The following DPP4 variants were observed in gnomAD, a reference collection of about 807,000 sequenced individuals.
DPP4 encodes ADCP-2.
In DPP4, 93 loss-of-function variants were observed where a neutral mutation model predicts 122.4. That is an observed-to-expected ratio of 0.76 (90% CI 0.64 to 0.90). The LOEUF is 0.90. Among genes scored for constraint, DPP4 ranks in the 40% least tolerant of loss-of-function variants. DPP4 has a pLI of 0.00. For synonymous variants in DPP4, 321 were observed against 302.9 expected (o/e 1.06, Z -0.62); for missense variants, 914 against 907.3 (o/e 1.01, Z -0.09).
At chr2:162,005,621 A>T (rs1187508263) in intron 23 of DPP4, 124 bp downstream of exon 23, 3 of 835,136 alleles carry the variant, frequency 3.6e-6, no homozygotes, top group Admixed American at 2.7e-5. Context: ...CACCTGTGTT[A>T]TTTCTTTTAA....
In DPP4 at chr2:162,020,303, G is replaced by GTTTT. The variant is rs34282135; in HGVS notation, c.1177-11_1177-8dup. The GTTTT allele has an allele frequency of 2.7e-3, 3,173 of 1,188,084 alleles. 7 individuals are homozygous for GTTTT. Among genetic ancestry groups the GTTTT allele is most frequent in the East Asian group, 6.5e-3 (228 of 35,290 alleles). 73.6% of individuals were successfully genotyped at this position (1,188,084 alleles called of 1,614,324 possible). On this transcript the variant is annotated splice_polypyrimidine_tract_variant and splice_region_variant and intron_variant, in intron 13 of 25. Transcript: ENST00000360534. ...TTGTAATAAATGTGCAGTCCTGATG[G>GTTTT]TTTTTTTTTTTTTTCAAAAAAAAAA... is the stretch of plus-strand genomic sequence containing the variant.
At chr2:162,052,200 C>T (rs772204478) in intron 2 of DPP4, among the ~76,000 whole-genome samples, 36 of 151,824 alleles carry the variant, frequency 2.4e-4, no homozygotes, top group Non-Finnish European at 4.6e-4. Flanking sequence ...TGTCTGCAAT[C>T]CCAGCTACTC....
chr2:162,022,846 T>C, intron 11 of DPP4, 47 bp from the exon 12 acceptor site: 1 of 1,593,334 alleles, frequency 6.3e-7, no homozygotes, highest in Non-Finnish European at 8.6e-7. Context: ...AGAAGTCAGA[T>C]GAAATCTATA....
At chr2:161,998,607 T>A (rs1325748407) in intron 23 of DPP4, among the ~76,000 whole-genome samples, 2 of 152,126 alleles carry the variant, frequency 1.3e-5, no homozygotes, top group African/African-American at 4.8e-5. Flanking sequence ...GAGTAATAGT[T>A]AGGAGACATA....
chr2:162,016,927 T>C, intron 17 of DPP4, 61 bp from the exon 18 acceptor site: 1 of 1,513,698 alleles, frequency 6.6e-7, no homozygotes, highest in East Asian at 2.3e-5. Flanking sequence ...GATTATGTAG[T>C]GCAATAATGA....
chr2:161,995,212 C>T, intron 24 of DPP4, 88 bp downstream of exon 24: 1 of 1,364,906 alleles, frequency 7.3e-7, no homozygotes, highest in African/African-American at 1.4e-5. Context: ...GTAAATGTAA[C>T]AGTCTTGCCC....
intron 5 of DPP4, among the ~76,000 whole-genome samples, chr2:162,040,324 G>A (rs999804628): frequency 6.6e-6 from 1 of 152,094 alleles, no homozygotes; most frequent in African/African-American, 2.4e-5. Flanking sequence ...TTCAACAGGT[G>A]AGTGGATAAA....
intron 23 of DPP4, among the ~76,000 whole-genome samples, chr2:162,001,655 T>A (rs560809264): frequency 2.0e-5 from 3 of 152,214 alleles, no homozygotes; most frequent in Admixed American, 2.0e-4. Context: ...ACTGACCACA[T>A]GAGAGACCAT....
intron 2 of DPP4, among the ~76,000 whole-genome samples, chr2:162,059,375 C>T (rs1439374853): frequency 6.6e-6 from 1 of 152,172 alleles, no homozygotes; most frequent in Non-Finnish European, 1.5e-5. Flanking sequence ...AATTGACTGG[C>T]ATTAGGCCGT....
At chr2:162,054,988 T>G (rs539782097) in intron 2 of DPP4, among the ~76,000 whole-genome samples, 76 of 152,310 alleles carry the variant, frequency 5.0e-4, no homozygotes, top group African/African-American at 1.8e-3. Flanking sequence ...CAAGCATATG[T>G]TAGGCAACCA....
chr2:162,068,029 T>C (rs1685006090), intron 2 of DPP4, among the ~76,000 whole-genome samples: 1 of 152,142 alleles, frequency 6.6e-6, no homozygotes, highest in Admixed American at 6.5e-5. Context: ...AACTTCTCTG[T>C]GAAGATCAAA....
Position 162,005,882 on chromosome 2 carries a change from T to G in DPP4, c.1988-73A>C, listed in dbSNP as rs17848912. On this transcript the variant is annotated intron_variant, in intron 22 of 25. Transcript: ENST00000360534. ...ACTTTTCTTGCTTTTAATGGGCCAC[T>G]TCAGTGTTTCCATATGTATTCACTC... is the stretch of plus-strand genomic sequence containing the variant. 1,338 of 1,149,556 alleles carry G rather than the reference T, an allele frequency of 1.2e-3. 14 individuals are homozygous for G. In the East Asian group the frequency reaches 0.025, roughly 22 times the overall value. The allele number at this position is 1,149,556 out of a possible 1,614,324, so 71.2% of individuals were successfully genotyped here.
At chr2:162,027,007 T>C (rs1325468255) in intron 10 of DPP4, among the ~76,000 whole-genome samples, 1 of 152,126 alleles carries the variant, frequency 6.6e-6, no homozygotes, top group Non-Finnish European at 1.5e-5. Context: ...AATGAATGAG[T>C]TCATTTAATA....
chr2:162,028,208 A>G (rs1683410272), intron 10 of DPP4, among the ~76,000 whole-genome samples: 1 of 152,122 alleles, frequency 6.6e-6, no homozygotes, highest in Non-Finnish European at 1.5e-5. Flanking sequence ...CTAAAAATAC[A>G]AAAATTAGTC....
At chr2:162,069,305 T>A (rs574258549) in intron 2 of DPP4, among the ~76,000 whole-genome samples, 7 of 152,332 alleles carry the variant, frequency 4.6e-5, no homozygotes, top group African/African-American at 1.7e-4. Context: ...GTAGCTTGCA[T>A]GCCTTCTCTT....
intron 11 of DPP4, among the ~76,000 whole-genome samples, chr2:162,023,485 A>C (rs545009708): frequency 2.0e-5 from 3 of 152,006 alleles, no homozygotes. Flanking sequence ...CCTCTCCCCC[A>C]GTCCCTAGTT....
At chr2:162,036,081 A>G (rs1683759899) in intron 8 of DPP4, among the ~76,000 whole-genome samples, 1 of 152,172 alleles carries the variant, frequency 6.6e-6, no homozygotes, top group South Asian at 2.1e-4. Flanking sequence ...TATACATGAG[A>G]TATTCAATCA....
chr2:162,004,121 G>A (rs1701221363), intron 23 of DPP4, among the ~76,000 whole-genome samples: 1 of 152,126 alleles, frequency 6.6e-6, no homozygotes, highest in South Asian at 2.1e-4. Flanking sequence ...AGACAAAGTA[G>A]GCTACTACAG....
chr2:162,021,044 A>G (rs1559711829), intron 12 of DPP4, among the ~76,000 whole-genome samples: 1 of 152,224 alleles, frequency 6.6e-6, no homozygotes, highest in South Asian at 2.1e-4. Context: ...AGTTTGGAGC[A>G]GTAAATTTCC....
Sources: gnomAD v4.1 joint callset for allele counts (sites outside exome capture counted in the v4.1 genomes callset) on GRCh38, gnomAD v4.1.1 for gene constraint, MANE v1.5 for transcripts, NCBI Gene and HGNC (gene_info 2026-07-23, HGNC 2026-07-21) for gene names.